The following NTF3 variants were observed in gnomAD, a reference collection of about 807,000 sequenced individuals.
The protein encoded by NTF3 is neurotrophin 3.
Under a neutral mutation model 26.3 loss-of-function variants are expected in NTF3, and 8 were observed. The observed-to-expected ratio is 0.30, with a 90% CI of 0.18 to 0.55. The LOEUF is 0.55. Ranked by LOEUF, NTF3 falls within the 20% of genes least tolerant of loss-of-function variation. The probability of loss-of-function intolerance (pLI) is 0.93; values close to 1 mark genes in which losing one functional copy is unlikely to be tolerated. For synonymous variants in NTF3, 154 were observed against 145.5 expected (o/e 1.06, Z -0.42); for missense variants, 276 against 352.9 (o/e 0.78, Z 1.75).
At chr12:5,463,500 T>A (rs979489021) in intron 1 of NTF3, among the ~76,000 whole-genome samples, 5 of 152,100 alleles carry the variant, frequency 3.3e-5, no homozygotes, top group Non-Finnish European at 7.4e-5. Flanking sequence ...AGATCAGTCC[T>A]GCAGCAGGGT....
At chr12:5,441,720 C>T (rs7312789) in intron 1 of NTF3, among the ~76,000 whole-genome samples, 131,748 of 152,228 alleles carry the variant, frequency 0.87, 57,609 homozygotes, top group East Asian at 0.96. Flanking sequence ...GAATGTGCAG[C>T]AGCGATTTGA....
chr12:5,457,791 T>G (rs139637952), intron 1 of NTF3, among the ~76,000 whole-genome samples: 1 of 152,268 alleles, frequency 6.6e-6, no homozygotes, highest in Non-Finnish European at 1.5e-5. Flanking sequence ...GTCTTTCACC[T>G]TAATAAATGG....
intron 1 of NTF3, among the ~76,000 whole-genome samples, chr12:5,436,189 C>G (rs1940166045): frequency 6.6e-6 from 1 of 151,988 alleles, no homozygotes; most frequent in Non-Finnish European, 1.5e-5. Flanking sequence ...ATGGGGATCC[C>G]CATTTGATTA....
rs896756564 is a variant in NTF3, at chr12:5,432,273, C to A, written c.-52C>A. 6.2e-6 allele frequency: 10 copies of A among 1,609,748 alleles called. No individual in the cohort carries two copies. The African/African-American group carries it at 1.1e-4, about 17-fold the overall frequency. On this transcript the variant is annotated 5_prime_UTR_variant, in exon 1 of 2. Transcript: ENST00000423158. ...GGGAGACTTTGAATGACCGAGCTCG[C>A]GTCCACCTTTCTCTTCATGTCGACG...
intron 1 of NTF3, among the ~76,000 whole-genome samples, chr12:5,453,882 G>A (rs191964320): frequency 6.6e-6 from 1 of 152,180 alleles, no homozygotes; most frequent in Non-Finnish European, 1.5e-5. Context: ...CACATTCCAG[G>A]AGCTCTTTTG....
At chr12:5,475,565 TG>T (rs144661840) in intron 1 of NTF3, among the ~76,000 whole-genome samples, 2,832 of 152,296 alleles carry the variant, frequency 0.019, 99 homozygotes, top group African/African-American at 0.064. Flanking sequence ...CCAGGCATGG[TG>T]GCTCACACCT....
At chr12:5,474,576 C>T (rs1299146958) in intron 1 of NTF3, among the ~76,000 whole-genome samples, 2 of 152,118 alleles carry the variant, frequency 1.3e-5, no homozygotes, top group Non-Finnish European at 2.9e-5. Context: ...CGATGAAGGG[C>T]AGACAATGCT....
chr12:5,474,626 C>T (rs1345590193), intron 1 of NTF3, among the ~76,000 whole-genome samples: 3 of 152,146 alleles, frequency 2.0e-5, no homozygotes, highest in African/African-American at 4.8e-5. Context: ...TAGAGAAGAA[C>T]AGAAATTTCT....
At chr12:5,438,173 C>T (rs1253643648) in intron 1 of NTF3, among the ~76,000 whole-genome samples, 1 of 151,588 alleles carries the variant, frequency 6.6e-6, no homozygotes, top group Non-Finnish European at 1.5e-5. Flanking sequence ...AAAAAAAAGT[C>T]TTTCAGAGGA....
intron 1 of NTF3, among the ~76,000 whole-genome samples, chr12:5,438,182 G>A (rs1940195862): frequency 6.6e-6 from 1 of 152,012 alleles, no homozygotes; most frequent in Admixed American, 6.5e-5. Flanking sequence ...TCTTTCAGAG[G>A]ACTCATTTTA....
intron 1 of NTF3, among the ~76,000 whole-genome samples, chr12:5,468,034 G>A (rs878949934): frequency 6.6e-6 from 1 of 152,088 alleles, no homozygotes; most frequent in Non-Finnish European, 1.5e-5. Context: ...CTCTCTGAGG[G>A]AATATTTTGG....
At chr12:5,441,050 G>T (rs1285812750) in intron 1 of NTF3, among the ~76,000 whole-genome samples, 1 of 152,196 alleles carries the variant, frequency 6.6e-6, no homozygotes, top group Non-Finnish European at 1.5e-5. Context: ...GTTTATGTGG[G>T]ATTAAAGTTG....
chr12:5,481,995 ACATG>A (rs1406826525), intron 1 of NTF3, among the ~76,000 whole-genome samples: 1 of 151,966 alleles, frequency 6.6e-6, no homozygotes, highest in Non-Finnish European at 1.5e-5. Flanking sequence ...TCGCAGGCAT[ACATG>A]CATGCATACA....
At chr12:5,475,043 T>C (rs1940705758) in intron 1 of NTF3, among the ~76,000 whole-genome samples, 1 of 152,102 alleles carries the variant, frequency 6.6e-6, no homozygotes, top group Admixed American at 6.5e-5. Flanking sequence ...GGATGTCCCA[T>C]GGATGTCTAT....
intron 1 of NTF3, among the ~76,000 whole-genome samples, chr12:5,442,705 T>C (rs768051544): frequency 1.3e-5 from 2 of 152,140 alleles, no homozygotes; most frequent in Non-Finnish European, 2.9e-5. Context: ...TGGAGTCCTA[T>C]TTAGTAATTT....
chr12:5,473,420 C>G (rs1038213235), intron 1 of NTF3, among the ~76,000 whole-genome samples: 6 of 152,218 alleles, frequency 3.9e-5, no homozygotes, highest in Non-Finnish European at 4.4e-5. Context: ...TTAGACGTTG[C>G]CTTCACAGAG....
At chr12:5,469,990 TC>T (rs1338602240) in intron 1 of NTF3, among the ~76,000 whole-genome samples, 1 of 152,210 alleles carries the variant, frequency 6.6e-6, no homozygotes, top group East Asian at 1.9e-4. Context: ...AATGGCGCGA[TC>T]TCAGCTCACT....
At chr12:5,475,577 G>A (rs1940712246) in intron 1 of NTF3, among the ~76,000 whole-genome samples, 1 of 152,212 alleles carries the variant, frequency 6.6e-6, no homozygotes, top group Non-Finnish European at 1.5e-5. Context: ...GCTCACACCT[G>A]TAATCCCAGC....
chr12:5,437,190 T>A (rs1314363995), intron 1 of NTF3, among the ~76,000 whole-genome samples: 1 of 152,206 alleles, frequency 6.6e-6, no homozygotes, highest in East Asian at 1.9e-4. Flanking sequence ...GTACATGCTG[T>A]CAACTCCTGG....
Sources: gnomAD v4.1 joint callset for allele counts (sites outside exome capture counted in the v4.1 genomes callset) on GRCh38, gnomAD v4.1.1 for gene constraint, MANE v1.5 for transcripts, NCBI Gene and HGNC (gene_info 2026-07-23, HGNC 2026-07-21) for gene names.